The following ZNF766 variants were observed in gnomAD, a reference collection of about 807,000 sequenced individuals.
ZNF766 encodes the protein zinc finger protein 766.
ZNF766 carries 13 observed loss-of-function variants against 13.2 expected under a neutral mutation model. The observed-to-expected ratio is 0.98, with a 90% CI of 0.64 to 1.56. ZNF766 has a LOEUF of 1.56. Ranked by LOEUF, ZNF766 falls within the 40% of genes most tolerant of loss-of-function variation. ZNF766 has a pLI of 0.00. For synonymous variants in ZNF766, 178 were observed against 187.6 expected (o/e 0.95, Z 0.42); for missense variants, 521 against 552.2 (o/e 0.94, Z 0.57).
In ZNF766 at chr19:52,292,400, T is replaced by C; in HGVS notation, c.*1202T>C. On this transcript the variant is annotated 3_prime_UTR_variant, in exon 4 of 4. Transcript: ENST00000439461. ...CTGTGCTCTACAAATGACCATGAAA[T>C]AGAGCACGCCATGACTTTAGGACAC... is the stretch of plus-strand genomic sequence containing the variant. 1 of 524,472 alleles carries C rather than the reference T, an allele frequency of 1.9e-6. No individual in the cohort carries two copies. The highest frequency in any genetic ancestry group is 3.4e-6 in the Non-Finnish European group (1 of 295,814). The allele number at this position is 524,472 out of a possible 1,614,324, so 32.5% of individuals were successfully genotyped here.
Position 52,294,585 on chromosome 19 carries a change from G to GAA in ZNF766, c.*3387_*3388insAA. 6.6e-6 allele frequency: 1 copy of GAA among 152,186 alleles called. No homozygotes were observed. Among genetic ancestry groups the GAA allele is most frequent in the East Asian group, 1.9e-4 (1 of 5,188 alleles). 9.4% of individuals were successfully genotyped at this position (152,186 alleles called of 1,614,324 possible). A position where few individuals can be genotyped will look rare whatever the true frequency, so the allele number is the denominator to read the frequency against. ...GGCTTGGGCAGGGGTGCCCACTTGTGGTTTGAACTTTCAGCTGGTGCCAAA... is the reference window on the plus strand; with the variant it reads ...GGCTTGGGCAGGGGTGCCCACTTGTGAAGTTTGAACTTTCAGCTGGTGCCAAA... On this transcript the variant is annotated 3_prime_UTR_variant, in exon 4 of 4. Coordinates refer to ENST00000439461, the MANE Select transcript of ZNF766 (RefSeq NM_001010851.3).
chr19:52,270,330 A>G (rs893458359), intron 1 of ZNF766, among the ~76,000 whole-genome samples: 1 of 152,192 alleles, frequency 6.6e-6, no homozygotes, highest in African/African-American at 2.4e-5. Context: ...ATCCATAACA[A>G]GACGGCAACG....
Position 52,291,043 on chromosome 19 carries a change from A to C in ZNF766, c.1252A>C (p.Lys418Gln), listed in dbSNP as rs554855763. The C allele has an allele frequency of 7.4e-6, 12 of 1,614,216 alleles. No individual in the cohort carries two copies. In the South Asian group the frequency reaches 7.7e-5, roughly 10 times the overall value. ...EKPYKCNECG[K>Q]VFTQNSHLAN... ...ACCTTACAAATGTAATGAGTGTGGCAAAGTCTTCACTCAGAATTCACACCT... is the reference window on the plus strand; with the variant it reads ...ACCTTACAAATGTAATGAGTGTGGCCAAGTCTTCACTCAGAATTCACACCT... The change falls in exon 4 of 4, where the codon AAA becomes CAA. Residue 418 changes from lysine to glutamine, a missense_variant. Physicochemically the swap from Lys to Gln is moderately conservative, Grantham distance 53. Transcript: ENST00000439461.
Position 52,295,909 on chromosome 19 carries a change from T to TA in ZNF766, c.*4713dup, listed in dbSNP as rs756262202. 1 of 152,072 alleles carries TA rather than the reference T, an allele frequency of 6.6e-6. No homozygotes were observed. Among genetic ancestry groups the TA allele is most frequent in the Non-Finnish European group, 1.5e-5 (1 of 68,012 alleles). 9.4% of individuals were successfully genotyped at this position (152,072 alleles called of 1,614,324 possible). A position where few individuals can be genotyped will look rare whatever the true frequency, so the allele number is the denominator to read the frequency against. On this transcript the variant is annotated 3_prime_UTR_variant, in exon 4 of 4. Transcript: ENST00000439461. ...TTGTTTTGTTTTTTGCTTTTCTACA[T>TA]AATTGTTTGGATAATCTTGTCAGTA...
chr19:52,282,156 G>T lies in ZNF766; in HGVS notation c.64G>T (p.Glu22Ter). ...CGTGGCCATAGAATTCTCTCAGGAG[G>T]AGTGGAAATGCCTGGACCCTGTGCA... ...RDVAIEFSQEEWKCLDPVQKA... is the reference protein window; with the variant it reads ...RDVAIEFSQE The change falls in exon 2 of 4, where the codon GAG (glutamate) becomes TAG (stop). Residue 22 changes from glutamate to a stop codon, truncating the protein, a stop_gained. Transcript: ENST00000439461. LOFTEE classifies it high-confidence loss of function. The T allele has an allele frequency of 6.2e-7, 1 of 1,605,886 alleles. No individual in the cohort carries two copies. The highest frequency in any genetic ancestry group is 8.5e-7 in the Non-Finnish European group (1 of 1,174,682).
In ZNF766 at chr19:52,269,757, A is replaced by T. The variant is rs975149606; in HGVS notation, c.18+126A>T. ...CGCTCTCTCCACCCCGAGTAAATTC[A>T]TGCGTCCCGTCAGAGTGTTAAAATC... On this transcript the variant is annotated intron_variant, in intron 1 of 3. Coordinates refer to ENST00000439461, the MANE Select transcript of ZNF766 (RefSeq NM_001010851.3). The T allele has an allele frequency of 2.4e-5, 31 of 1,265,850 alleles. 1 individual carries two copies. The South Asian group carries it at 3.4e-4, about 14-fold the overall frequency. The allele number at this position is 1,265,850 out of a possible 1,614,324, so 78.4% of individuals were successfully genotyped here.
At chr19:52,270,143 C>T (rs1980912310) in intron 1 of ZNF766, among the ~76,000 whole-genome samples, 1 of 152,130 alleles carries the variant, frequency 6.6e-6, no homozygotes, top group Non-Finnish European at 1.5e-5. Flanking sequence ...GGGAGGTGGC[C>T]GGGACCTATC....
At chr19:52,274,462 A>G (rs1040509759) in intron 1 of ZNF766, 5 of 152,470 alleles carry the variant, frequency 3.3e-5, no homozygotes, top group African/African-American at 1.2e-4. Flanking sequence ...GTGCGTTACC[A>G]AACAGCTTTA....
intron 1 of ZNF766, among the ~76,000 whole-genome samples, chr19:52,270,732 A>G (rs1980939379): frequency 1.3e-5 from 2 of 152,112 alleles, no homozygotes; most frequent in South Asian, 4.2e-4. Flanking sequence ...AGACAATCAA[A>G]AGATTGGAGA....
At chr19:52,278,570 ATTG>A (rs1191570883) in intron 1 of ZNF766, among the ~76,000 whole-genome samples, 2 of 152,030 alleles carry the variant, frequency 1.3e-5, no homozygotes, top group East Asian at 1.9e-4. Flanking sequence ...CACTCAGCTA[ATTG>A]TTGTATTTTC....
chr19:52,283,799 G>T (rs929095382), intron 3 of ZNF766, among the ~76,000 whole-genome samples: 1 of 152,128 alleles, frequency 6.6e-6, no homozygotes, highest in Non-Finnish European at 1.5e-5. Context: ...GTGCAATGGC[G>T]TGATCTCAGC....
intron 3 of ZNF766, among the ~76,000 whole-genome samples, chr19:52,289,002 C>T (rs553124832): frequency 1.3e-5 from 2 of 151,954 alleles, no homozygotes; most frequent in East Asian, 3.9e-4. Context: ...GCGCACGCCA[C>T]CACACCTGGC....
chr19:52,270,578 G>A (rs556028396), intron 1 of ZNF766, among the ~76,000 whole-genome samples: 64 of 152,156 alleles, frequency 4.2e-4, no homozygotes, highest in African/African-American at 1.5e-3. Context: ...GGGGGCAGCC[G>A]GTGACAAGGA....
chr19:52,273,026 TC>T (rs1196310039), intron 1 of ZNF766, among the ~76,000 whole-genome samples: 1 of 149,522 alleles, frequency 6.7e-6, no homozygotes, highest in Non-Finnish European at 1.5e-5. Flanking sequence ...TATTTTTTTT[TC>T]GAGACGGAGT....
At chr19:52,275,770 TC>T in intron 1 of ZNF766, among the ~76,000 whole-genome samples, 1 of 141,842 alleles carries the variant, frequency 7.1e-6, no homozygotes, top group Non-Finnish European at 1.5e-5. Flanking sequence ...AACCTCCGCC[TC>T]CTGGGTTCAA....
Position 52,290,216 on chromosome 19 carries a change from A to G in ZNF766, c.425A>G (p.His142Arg), listed in dbSNP as rs369081357. The change falls in exon 4 of 4, where the codon CAC becomes CGC. Residue 142 changes from histidine (H) to arginine (R), a missense_variant. Coordinates refer to ENST00000439461, the MANE Select transcript of ZNF766 (RefSeq NM_001010851.3). The stretch of plus-strand genomic sequence containing the variant: ...AATCAAGTTCAAAAGTTCATCAGCC[A>G]CAGTTCTTCAGTTTCGCCACTTCAA... ...ECNQVQKFISHSSSVSPLQRI... is the reference protein window; with the variant it reads ...ECNQVQKFISRSSSVSPLQRI... 131 of 1,613,936 alleles carry G rather than the reference A, an allele frequency of 8.1e-5. No individual in the cohort carries two copies. The highest frequency in any genetic ancestry group is 1.1e-4 in the Non-Finnish European group (126 of 1,179,914).
Position 52,276,069 on chromosome 19 carries a change from G to A in ZNF766, c.19-6042G>A, listed in dbSNP as rs371195702. 5.6e-4 allele frequency among the ~76,000 whole-genome samples: 86 copies of A among 152,312 alleles called. 1 individual carries two copies. The South Asian group carries it at 8.1e-3, about 14-fold the overall frequency. On this transcript the variant is annotated intron_variant, in intron 1 of 3. Transcript: ENST00000439461. ...GACTATAGTATTCAGGACATAGCAT[G>A]CCCTACAGGTTTTTAGCAGTAGGCT...
chr19:52,289,678 G>A (rs1982010261), intron 3 of ZNF766, among the ~76,000 whole-genome samples: 1 of 152,102 alleles, frequency 6.6e-6, no homozygotes, highest in Non-Finnish European at 1.5e-5. Flanking sequence ...AATCAGATGA[G>A]GCAGATTCCA....
At chr19:52,270,417 A>G (rs1239700712) in intron 1 of ZNF766, among the ~76,000 whole-genome samples, 1 of 152,154 alleles carries the variant, frequency 6.6e-6, no homozygotes, top group African/African-American at 2.4e-5. Flanking sequence ...AACTCGAGAA[A>G]TGTAGAGAAA....
Sources: gnomAD v4.1 joint callset for allele counts (sites outside exome capture counted in the v4.1 genomes callset) on GRCh38, gnomAD v4.1.1 for gene constraint, MANE v1.5 for transcripts, NCBI Gene and HGNC (gene_info 2026-07-23, HGNC 2026-07-21) for gene names.